The following UBE3B variants were observed in gnomAD, a reference collection of about 807,000 sequenced individuals.
The protein encoded by UBE3B is ubiquitin-protein ligase E3B.
UBE3B carries 80 observed loss-of-function variants against 132.3 expected under a neutral mutation model. That is an observed-to-expected ratio of 0.60 (90% CI 0.50 to 0.73). The LOEUF is 0.73. Among genes scored for constraint, UBE3B ranks in the 30% least tolerant of loss-of-function variants. UBE3B has a pLI of 0.00. For missense variants in UBE3B, 1,196 were observed against 1,362.5 expected, an observed-to-expected ratio of 0.88 and a Z score of 1.92; for synonymous variants, 487 against 520.4, an observed-to-expected ratio of 0.94 and a Z score of 0.87.
chr12:109,528,535 C>T (rs899888243), intron 24 of UBE3B: 7 of 977,750 alleles, frequency 7.2e-6, no homozygotes, highest in Admixed American at 1.2e-4. Flanking sequence ...ATACGTGGGC[C>T]GGGCTCAAGT....
At position 109,522,599 on chromosome 12, in the gene UBE3B, A is replaced by T. The variant is rs1881844092; in HGVS notation, c.2364+1048A>T. 6.6e-6 allele frequency among the ~76,000 whole-genome samples: 1 copy of T among 152,176 alleles called. No individual in the cohort carries two copies. Among genetic ancestry groups the T allele is most frequent in the South Asian group, 2.1e-4 (1 of 4,832 alleles). ...ACCTGGAGAAGCCAGATGCTTTCCA[A>T]ACAGAAAGAGCCAGCAGCTGGGCCA... On this transcript the variant is annotated intron_variant, in intron 21 of 27. Coordinates refer to ENST00000342494, the MANE Select transcript of UBE3B (RefSeq NM_130466.4). This position sits in a 1 kb window ranked among gnomAD's most constrained non-coding sequence, Gnocchi z 4.2.
In UBE3B at chr12:109,534,914, G is replaced by T. The variant is rs1883305513; in HGVS notation, c.*132G>T. 3 of 686,344 alleles carry T rather than the reference G, an allele frequency of 4.4e-6. No homozygotes were observed. Among genetic ancestry groups the T allele is most frequent in the Non-Finnish European group, 6.6e-6 (3 of 453,926 alleles). 42.5% of individuals were successfully genotyped at this position (686,344 alleles called of 1,614,324 possible). ...CCCTAGACCCTCTCTATAGCCATGA[G>T]ACTCCTTGTGGCCTCAAGAAATTTA... On this transcript the variant is annotated 3_prime_UTR_variant, in exon 28 of 28. Transcript: ENST00000342494. This position sits in a 1 kb window ranked among gnomAD's most constrained non-coding sequence, Gnocchi z 5.2.
chr12:109,540,718 A>C (rs140073922), downstream of UBE3B, among the ~76,000 whole-genome samples: 1 of 152,376 alleles, frequency 6.6e-6, no homozygotes, highest in African/African-American at 2.4e-5. Flanking sequence ...TTGTGAAGTC[A>C]TTCTGGCCCT....
intron 19 of UBE3B, 120 bp downstream of exon 19, chr12:109,517,004 G>C (rs534557248): frequency 5.6e-6 from 8 of 1,419,670 alleles, no homozygotes; most frequent in Admixed American, 2.6e-5. Flanking sequence ...TGAAATTAAG[G>C]CTCTGGGAGC....
intron 14 of UBE3B, 34 bp from the exon 15 acceptor site, chr12:109,507,530 A>C: frequency 1.3e-6 from 2 of 1,598,238 alleles, no homozygotes; most frequent in Non-Finnish European, 1.7e-6. Flanking sequence ...TGGAGTCTCC[A>C]CCTGAAGCTT....
At chr12:109,530,185 T>G (rs1400323520) in intron 25 of UBE3B, 113 bp downstream of exon 25, 2 of 1,251,828 alleles carry the variant, frequency 1.6e-6, no homozygotes, top group African/African-American at 3.0e-5. Context: ...CCAGATCTCC[T>G]TCTCCTCCCT....
At position 109,486,593 on chromosome 12, in the gene UBE3B, A is replaced by AAAAAAAAAAAAAAAAC; in HGVS notation, c.447+28_447+29insAAAAACAAAAAAAAAA. 1 of 1,552,898 alleles carries AAAAAAAAAAAAAAAAC rather than the reference A, an allele frequency of 6.4e-7. No homozygotes were observed. The highest frequency in any genetic ancestry group is 1.4e-5 in the African/African-American group (1 of 72,024). ...AGCTCAAGGTAACAAAAAAAAAAAA[A>AAAAAAAAAAAAAAAAC]AAAAAAAAAAGCAAAACCAGAAACA... On this transcript the variant is annotated intron_variant, in intron 6 of 27. Coordinates refer to ENST00000342494, the MANE Select transcript of UBE3B (RefSeq NM_130466.4).
intron 13 of UBE3B, 80 bp from the exon 14 acceptor site, chr12:109,502,943 T>G: frequency 6.4e-7 from 1 of 1,560,926 alleles, no homozygotes; most frequent in Non-Finnish European, 8.8e-7. Flanking sequence ...AGAGCTTTAC[T>G]GAAATGCTCT....
In UBE3B at chr12:109,522,496, T is replaced by C. The variant is rs1881833284; in HGVS notation, c.2364+945T>C. On this transcript the variant is annotated intron_variant, in intron 21 of 27. Coordinates refer to ENST00000342494, the MANE Select transcript of UBE3B (RefSeq NM_130466.4). This position sits in a 1 kb window ranked among gnomAD's most constrained non-coding sequence, Gnocchi z 4.2. ...CAGAGCTGCAGGGACCCTGCCTGGGTCTCAGGCTCTGCTGAGCTTCTGGCC... is the reference window on the plus strand; with the variant it reads ...CAGAGCTGCAGGGACCCTGCCTGGGCCTCAGGCTCTGCTGAGCTTCTGGCC... Among the ~76,000 whole-genome samples, 1 of 152,186 alleles carries C rather than the reference T, an allele frequency of 6.6e-6. No homozygotes were observed. The highest frequency in any genetic ancestry group is 1.5e-5 in the Non-Finnish European group (1 of 68,034).
intron 14 of UBE3B, among the ~76,000 whole-genome samples, chr12:109,505,041 G>T (rs1242747338): frequency 6.6e-6 from 1 of 151,986 alleles, no homozygotes; most frequent in African/African-American, 2.4e-5. Flanking sequence ...GATCTCCTGT[G>T]TGTCCAGCTT....
In UBE3B at chr12:109,498,482, G is replaced by A. The variant is rs977809436; in HGVS notation, c.940+129G>A. The A allele has an allele frequency of 2.6e-5, 27 of 1,057,326 alleles. No individual in the cohort carries two copies. In the African/African-American group the frequency reaches 2.7e-4, roughly 11 times the overall value. The allele number at this position is 1,057,326 out of a possible 1,614,324, so 65.5% of individuals were successfully genotyped here. A position where few individuals can be genotyped will look rare whatever the true frequency, so the allele number is the denominator to read the frequency against. ...TGGAAGTGCTTACAATAAAAAACAC[G>A]TATTTAGATAGACAGTTAAAATAGA... On this transcript the variant is annotated intron_variant, in intron 11 of 27. Transcript: ENST00000342494.
chr12:109,533,587 C>G, intron 27 of UBE3B, 29 bp downstream of exon 27: 1 of 1,566,326 alleles, frequency 6.4e-7, no homozygotes, highest in Non-Finnish European at 8.8e-7. Flanking sequence ...TGGGGAAGAG[C>G]CTTGACTTCC....
chr12:109,542,013 G>C, the UBE3B span, among the ~76,000 whole-genome samples: 4 of 152,216 alleles, frequency 2.6e-5, no homozygotes, highest in African/African-American at 7.2e-5. Context: ...CTGGGGGTTA[G>C]CACTTGGACA....
At chr12:109,526,196 A>G (rs1301733421) in intron 23 of UBE3B, among the ~76,000 whole-genome samples, 162 bp from the exon 24 acceptor site, 2 of 152,178 alleles carry the variant, frequency 1.3e-5, no homozygotes, top group Admixed American at 1.3e-4. Flanking sequence ...CTGCTTGTTG[A>G]TATTTCAGCC....
In UBE3B at chr12:109,514,851, C is replaced by T. The variant is rs577482321; in HGVS notation, c.1957-1914C>T. ...TCCTGTCACGTCTAGATCTGTCAAC[C>T]AGCCTCAGCAAGATGCTTCACTGAA... On this transcript the variant is annotated intron_variant, in intron 18 of 27. Coordinates refer to ENST00000342494, the MANE Select transcript of UBE3B (RefSeq NM_130466.4). Among the ~76,000 whole-genome samples the T allele has an allele frequency of 3.3e-5, 5 of 152,168 alleles. No homozygotes were observed. In the South Asian group the frequency reaches 1.0e-3, roughly 32 times the overall value.
At chr12:109,504,545 G>GCTT (rs1363374400) in intron 14 of UBE3B, among the ~76,000 whole-genome samples, 2 of 152,190 alleles carry the variant, frequency 1.3e-5, no homozygotes, top group Non-Finnish European at 2.9e-5. Flanking sequence ...GAAGACCGGG[G>GCTT]GCAGGGCCTG....
intron 12 of UBE3B, among the ~76,000 whole-genome samples, chr12:109,500,669 TCCG>T (rs1418017619): frequency 6.6e-6 from 1 of 152,216 alleles, no homozygotes; most frequent in African/African-American, 2.4e-5. Context: ...CAGCCTGCTC[TCCG>T]CTCCACTTCC....
chr12:109,493,529 G>A (rs923661179), intron 9 of UBE3B, among the ~76,000 whole-genome samples: 10 of 152,292 alleles, frequency 6.6e-5, no homozygotes, highest in Non-Finnish European at 1.2e-4. Context: ...TTCTCTGTAT[G>A]TATTAGATTC....
At chr12:109,492,781 A>G (rs1303220140) in intron 9 of UBE3B, 1 of 151,984 alleles carries the variant, frequency 6.6e-6, no homozygotes. Flanking sequence ...ATTTAGTATA[A>G]TGATATGTTT....
Sources: allele counts gnomAD v4.1 joint callset (sites outside exome capture counted in the v4.1 genomes callset), GRCh38; gene constraint gnomAD v4.1.1; non-coding constraint Gnocchi (gnomAD v3.1); transcripts MANE v1.5; gene names NCBI Gene and HGNC (gene_info 2026-07-23, HGNC 2026-07-21).